Variants in TTN observed in about 807,000 individuals in gnomAD.
The protein encoded by TTN is connectin.
Under a neutral mutation model 3,223.0 loss-of-function variants are expected in TTN, and 1,525 were observed. That is an observed-to-expected ratio of 0.47 (90% CI 0.45 to 0.49). TTN has a LOEUF of 0.49. Among genes scored for constraint, TTN ranks in the 20% least tolerant of loss-of-function variants. TTN has a pLI of 0.00. For synonymous variants in TTN, 14,094 were observed against 15,161.0 expected, an observed-to-expected ratio of 0.93 and a Z score of 5.17; for missense variants, 40,786 against 43,424.0, an observed-to-expected ratio of 0.94 and a Z score of 5.40.
In TTN at chr2:178,575,413, TC is replaced by T; in HGVS notation, c.70718del (p.Arg23573LysfsTer13). Reference sequence around the variant, plus strand: ...TGTGGGTCCACTGGTCAGAGCCTTTTCTTTGGGCTTCAATCACATAGCCAGT... The same window carrying T: ...TGTGGGTCCACTGGTCAGAGCCTTTTTTTGGGCTTCAATCACATAGCCAGT... ...KITGYVIEAQ[R>X]KGSDQWTHIT... On this transcript the variant is annotated frameshift_variant, in exon 326 of 363. Coordinates refer to ENST00000589042, the MANE Select transcript of TTN (RefSeq NM_001267550.2). LOFTEE classifies it high-confidence loss of function. This position sits in a 1 kb window ranked among gnomAD's most constrained non-coding sequence, Gnocchi z 4.0. 6.2e-7 allele frequency: 1 copy of T among 1,613,636 alleles called. No homozygotes were observed. The highest frequency in any genetic ancestry group is 8.5e-7 in the Non-Finnish European group (1 of 1,179,650).
chr2:178,797,613 G>A (rs540390177), intron 6 of TTN, among the ~76,000 whole-genome samples: 6 of 152,104 alleles, frequency 3.9e-5, no homozygotes, highest in East Asian at 3.9e-4. Flanking sequence ...ATAAGCTTAC[G>A]TAATTTTGTA....
chr2:178,789,831 TAATC>T (rs1323800890), intron 12 of TTN, 143 bp downstream of exon 12: 5 of 959,140 alleles, frequency 5.2e-6, no homozygotes, highest in Non-Finnish European at 7.9e-6. Flanking sequence ...AAATTAATGA[TAATC>T]AGTCTCATAT....
Position 178,567,873 on chromosome 2 carries a change from C to A in TTN, c.78259G>T (p.Asp26087Tyr), listed in dbSNP as rs1169880412. ...GGGGTTCCTGGTGGGTCACAGGGAT[C>A]TCTGGCTACATAGCATTCAGAATTC... ...SKNSECYVARDPCDPPGTPEP... is the reference protein window; with the variant it reads ...SKNSECYVARYPCDPPGTPEP... The change falls in exon 326 of 363, where the codon GAT becomes TAT. Residue 26087 changes from aspartate (D) to tyrosine (Y), a missense_variant. By Grantham distance (160) the Asp-to-Tyr change is radical. Transcript: ENST00000589042. The A allele has an allele frequency of 5.0e-6, 8 of 1,613,410 alleles. No individual in the cohort carries two copies. Among genetic ancestry groups the A allele is most frequent in the South Asian group, 1.1e-5 (1 of 91,082 alleles).
In TTN at chr2:178,663,320, C is replaced by G. The variant is rs756890739; in HGVS notation, c.36646G>C (p.Glu12216Gln). Residue 12216 changes from glutamate (E) to glutamine (Q), a missense_variant, in exon 173 of 363, where the codon GAA becomes CAA. Glu to Gln is a conservative substitution (Grantham distance 29, BLOSUM62 2). Coordinates refer to ENST00000589042, the MANE Select transcript of TTN (RefSeq NM_001267550.2). The part of the protein sequence containing the change: ...VPEVPKAAVP[E>Q]KKLPEAIPPK... ...GGAATAGCTTCAGGCAACTTCTTTT[C>G]TGGGACAGCTGCCTTTGGCACCTCT... is the stretch of plus-strand genomic sequence containing the variant. The G allele has an allele frequency of 5.1e-6, 8 of 1,573,926 alleles. 1 individual carries two copies. In the Admixed American group the frequency reaches 1.3e-4, roughly 25 times the overall value.
chr2:178,770,023 T>C (rs778363872), intron 36 of TTN, 37 bp downstream of exon 36: 20 of 1,614,054 alleles, frequency 1.2e-5, no homozygotes, highest in Non-Finnish European at 1.6e-5. Flanking sequence ...ATGGGGTTCA[T>C]TAAGGAAAGG....
Position 178,651,468 on chromosome 2 carries a change from C to T in TTN, c.39532G>A (p.Ala13178Thr). 1 of 1,611,378 alleles carries T rather than the reference C, an allele frequency of 6.2e-7. No homozygotes were observed. Among genetic ancestry groups the T allele is most frequent in the Non-Finnish European group, 8.5e-7 (1 of 1,179,100 alleles). Residue 13178 changes from alanine (A) to threonine (T), a missense_variant, in exon 207 of 363, where the codon GCC becomes ACC. Physicochemically the swap from Ala to Thr is moderately conservative, Grantham distance 58. Transcript: ENST00000589042. Reference sequence around the variant, plus strand: ...CCACATATACCTTTAGCAGGTGGGGCTTCTGGCTTTTTGGGAACCACCAGA... The same window carrying T: ...CCACATATACCTTTAGCAGGTGGGGTTTCTGGCTTTTTGGGAACCACCAGA... ...VPLVVPKKPE[A>T]PPAKVPEVPK... is the part of the protein sequence containing the mutation.
Position 178,778,996 on chromosome 2 carries a change from G to A in TTN, c.4086C>T (p.Tyr1362=), listed in dbSNP as rs776328283. 6.8e-6 allele frequency: 11 copies of A among 1,614,040 alleles called. No homozygotes were observed. The East Asian group carries it at 1.1e-4, about 16-fold the overall frequency. ...CTTTAATATTGCTGGCAAATGCAGT[G>A]TAGATTCCTTCATCTTCTGGAAGAA... ...PVVLPEDEGI[Y]TAFASNIKGN... Residue 1362 remains tyrosine, a synonymous_variant, in exon 24 of 363, where the codon TAC becomes TAT. Transcript: ENST00000589042.
At chr2:178,639,401 TCTC>T (rs1310626176) in intron 223 of TTN, among the ~76,000 whole-genome samples, 1 of 152,018 alleles carries the variant, frequency 6.6e-6, no homozygotes, top group Non-Finnish European at 1.5e-5. Context: ...TCTCTGCCTG[TCTC>T]CTTAGTTTTT....
At position 178,541,539 on chromosome 2, in the gene TTN, C is replaced by G; in HGVS notation, c.97538G>C (p.Arg32513Pro). ...GTACCAAGTAAGTGTCATGCCATCA[C>G]GGGAAACATCAAATATCTGTAATGT... ...PETLQIFDVS[R>P]DGMTLTWYPP... Residue 32513 changes from arginine to proline, a missense_variant, in exon 350 of 363, where the codon CGT becomes CCT. Physicochemically the swap from Arg to Pro is moderately radical, Grantham distance 103. Coordinates refer to ENST00000589042, the MANE Select transcript of TTN (RefSeq NM_001267550.2). 11 of 1,612,318 alleles carry G rather than the reference C, an allele frequency of 6.8e-6. No homozygotes were observed. Among genetic ancestry groups the G allele is most frequent in the Non-Finnish European group, 8.5e-6 (10 of 1,179,042 alleles).
At chr2:178,556,500 CTTAT>C (rs1042958605) in intron 330 of TTN, 6 of 272,228 alleles carry the variant, frequency 2.2e-5, no homozygotes, top group African/African-American at 1.2e-4. Flanking sequence ...TAGTCTGTGG[CTTAT>C]TTAAGAGCAA....
rs2062031569 is a variant in TTN, at chr2:178,646,544, T to A, written c.40238A>T (p.Lys13413Met). 6.5e-7 allele frequency: 1 copy of A among 1,546,044 alleles called. No individual in the cohort carries two copies. Among genetic ancestry groups the A allele is most frequent in the African/African-American group, 1.4e-5 (1 of 72,874 alleles). ...TTCGGGCTCTTCAGGTTTAATATAC[T>A]TTTCAATTTCACGTTCTTTAAAGAA... ...TPPVEEREIE[K>M]YIKPEEPEPE... Residue 13413 changes from lysine to methionine, a missense_variant, in exon 216 of 363, where the codon AAG becomes ATG. Physicochemically the swap from Lys to Met is moderately conservative, Grantham distance 95. Transcript: ENST00000589042.
In TTN at chr2:178,777,269, A is replaced by G. The variant is rs1441856975; in HGVS notation, c.4694T>C (p.Val1565Ala). Residue 1565 changes from valine to alanine, a missense_variant, in exon 27 of 363, where the codon GTC becomes GCC. By Grantham distance (64) the Val-to-Ala change is moderately conservative (BLOSUM62 0). Coordinates refer to ENST00000589042, the MANE Select transcript of TTN (RefSeq NM_001267550.2). ...KPMFVEKLKN[V>A]NIKEGSRLEM... The stretch of plus-strand genomic sequence containing the variant: ...AAGTCGGGAACCTTCCTTTATATTG[A>G]CATTTTTCAGTTTTTCTACAAACAT... The G allele has an allele frequency of 1.2e-6, 2 of 1,614,050 alleles. No individual in the cohort carries two copies. Among genetic ancestry groups the G allele is most frequent in the South Asian group, 2.2e-5 (2 of 91,080 alleles).
rs1298817333 is a variant in TTN at position 178,589,313 on chromosome 2, G to A, written c.62412C>T (p.Thr20804=). ...RGKPFPEVAW[T]KDKDATDLTR... The stretch of plus-strand genomic sequence containing the variant: ...TTAAGTCTGTAGCGTCTTTGTCCTT[G>A]GTCCATGCAACTTCTGGGAATGGTT... Residue 20804 remains threonine, a synonymous_variant, in exon 304 of 363, where the codon ACC becomes ACT. Transcript: ENST00000589042. The A allele has an allele frequency of 2.5e-6, 4 of 1,612,902 alleles. No homozygotes were observed. The highest frequency in any genetic ancestry group is 1.1e-5 in the South Asian group (1 of 91,012).
rs186084940 is a variant in TTN, at chr2:178,677,619, A to G, written c.34291+2T>C. 6.2e-7 allele frequency: 1 copy of G among 1,608,926 alleles called. No homozygotes were observed. The highest frequency in any genetic ancestry group is 8.5e-7 in the Non-Finnish European group (1 of 1,177,504). The stretch of plus-strand genomic sequence containing the variant: ...TGATGATTCCAAGAAGAGCTGCTAT[A>G]CCTGGTGCAGGTACTGGCACCTTAG... On this transcript the variant is annotated splice_donor_variant, in intron 146 of 362. Coordinates refer to ENST00000589042, the MANE Select transcript of TTN (RefSeq NM_001267550.2). LOFTEE classifies it high-confidence loss of function.
chr2:178,610,257 C>T lies in TTN; in HGVS notation c.51269G>A (p.Gly17090Glu). 6.2e-7 allele frequency: 1 copy of T among 1,613,004 alleles called. No individual in the cohort carries two copies. Among genetic ancestry groups the T allele is most frequent in the Admixed American group, 1.7e-5 (1 of 59,970 alleles). ...CATGACTGGTATATATGTTCTCCTC[C>T]CAGCTTCTCTGCGCTCCAGGACATA... ...LHYVLERREA[G>E]RRTYIPVMSG... The change falls in exon 271 of 363, where the codon GGG (glycine) becomes GAG (glutamate). Residue 17090 changes from glycine to glutamate, a missense_variant. Coordinates refer to ENST00000589042, the MANE Select transcript of TTN (RefSeq NM_001267550.2).
At chr2:178,724,939 C>A (rs928846674) in intron 71 of TTN, 2 of 191,396 alleles carry the variant, frequency 1.0e-5, no homozygotes, top group Non-Finnish European at 1.0e-5. Context: ...TTTTGCTCTA[C>A]CTTAAGGTGC....
Position 178,739,452 on chromosome 2 carries a change from T to C in TTN, c.13781A>G (p.Gln4594Arg). 1 of 1,613,808 alleles carries C rather than the reference T, an allele frequency of 6.2e-7. No homozygotes were observed. Among genetic ancestry groups the C allele is most frequent in the Non-Finnish European group, 8.5e-7 (1 of 1,179,834 alleles). ...GTEEVATVKI[Q>R]EAEGGLIKED... ...TTTGATTAAGCCACCCTCAGCTTCCTGTATCTTTACTGTAGCAACCTCCTC... is the reference window on the plus strand; with the variant it reads ...TTTGATTAAGCCACCCTCAGCTTCCCGTATCTTTACTGTAGCAACCTCCTC... The change falls in exon 48 of 363, where the codon CAG becomes CGG. Residue 4594 changes from glutamine to arginine, a missense_variant. Transcript: ENST00000589042.
At chr2:178,725,239 T>C in intron 71 of TTN, 129 bp downstream of exon 71, 1 of 1,059,740 alleles carries the variant, frequency 9.4e-7, no homozygotes, top group South Asian at 2.9e-5. Flanking sequence ...ATGTCTTTCC[T>C]CTAGACCTTT....
At chr2:178,637,254 C>G (rs1250031091) in intron 224 of TTN, 115 bp downstream of exon 224, 2 of 490,160 alleles carry the variant, frequency 4.1e-6, no homozygotes, top group Non-Finnish European at 6.6e-6. Flanking sequence ...TTAGTAGAAT[C>G]AATTAGAAAA....
Sources: allele counts gnomAD v4.1 joint callset (sites outside exome capture counted in the v4.1 genomes callset), GRCh38; gene constraint gnomAD v4.1.1; non-coding constraint Gnocchi (gnomAD v3.1); transcripts MANE v1.5; gene names NCBI Gene and HGNC (gene_info 2026-07-23, HGNC 2026-07-21).